The following HIPK2 variants were observed in gnomAD, a reference collection of about 807,000 sequenced individuals.
HIPK2 encodes the protein homeodomain-interacting protein kinase 2.
Under a neutral mutation model 113.7 loss-of-function variants are expected in HIPK2, and 27 were observed. That is an observed-to-expected ratio of 0.24 (90% CI 0.17 to 0.33). The LOEUF (loss-of-function observed/expected upper bound fraction) is 0.33. Among genes scored for constraint, HIPK2 ranks in the 10% least tolerant of loss-of-function variants. The probability of loss-of-function intolerance (pLI) is 1.00; values close to 1 mark genes in which losing one functional copy is unlikely to be tolerated. For missense variants in HIPK2, 1,257 were observed against 1,588.0 expected, an observed-to-expected ratio of 0.79 and a Z score of 3.54; for synonymous variants, 631 against 642.2, an observed-to-expected ratio of 0.98 and a Z score of 0.26.
intron 2 of HIPK2, among the ~76,000 whole-genome samples, chr7:139,665,593 TCCA>T (rs1802021380): frequency 6.6e-6 from 1 of 151,660 alleles, no homozygotes; most frequent in African/African-American, 2.4e-5. Flanking sequence ...CATCCATCCA[TCCA>T]TCCATCCATC....
At position 139,571,560 on chromosome 7, in the gene HIPK2, T is replaced by C. The variant is rs1433119307; in HGVS notation, c.*1367A>G. On this transcript the variant is annotated 3_prime_UTR_variant, in exon 15 of 15. Coordinates refer to ENST00000406875, the MANE Select transcript of HIPK2 (RefSeq NM_022740.5). ...TCTGTCTCCCATATTTCTTTCGAGA[T>C]CCACGGACTCTCTCCTAGCTCCTGC... 12 of 151,994 alleles carry C rather than the reference T, an allele frequency of 7.9e-5. No individual in the cohort carries two copies. Among genetic ancestry groups the C allele is most frequent in the Admixed American group, 7.9e-4 (12 of 15,260 alleles). 9.4% of individuals were successfully genotyped at this position (151,994 alleles called of 1,614,324 possible).
chr7:139,583,931 C>T lies in HIPK2; in HGVS notation c.2851G>A (p.Asp951Asn), dbSNP rs1325054906. ...RAGHNNANAF[D>N]TKGSLENHCT... ...TGATTCTCCAGGCTCCCCTTGGTGTCAAAGGCATTGGCATTGTTGTGCCCA... is the reference window on the plus strand; with the variant it reads ...TGATTCTCCAGGCTCCCCTTGGTGTTAAAGGCATTGGCATTGTTGTGCCCA... Residue 951 changes from aspartate to asparagine, a missense_variant, in exon 13 of 15, where the codon GAC (aspartate) becomes AAC (asparagine). By Grantham distance (23) the Asp-to-Asn change is conservative. Around this residue, in one of 5 missense-constraint regions of HIPK2, gnomAD observed 862 missense variants for 1,004.3 expected, o/e 0.86. Coordinates refer to ENST00000406875, the MANE Select transcript of HIPK2 (RefSeq NM_022740.5). The T allele has an allele frequency of 6.2e-7, 1 of 1,613,912 alleles. No individual in the cohort carries two copies. The highest frequency in any genetic ancestry group is 8.5e-7 in the Non-Finnish European group (1 of 1,179,914).
chr7:139,749,080 A>G (rs1345749525), intron 1 of HIPK2, among the ~76,000 whole-genome samples: 2 of 152,238 alleles, frequency 1.3e-5, no homozygotes, highest in African/African-American at 2.4e-5. Flanking sequence ...CATGGTCACA[A>G]GTAGAGTGCT....
At chr7:139,729,721 G>A (rs1220056012) in intron 1 of HIPK2, among the ~76,000 whole-genome samples, 1 of 152,150 alleles carries the variant, frequency 6.6e-6, no homozygotes, top group African/African-American at 2.4e-5. Context: ...AAAATCAGCT[G>A]TACTTCTGGT....
intron 12 of HIPK2, among the ~76,000 whole-genome samples, chr7:139,584,767 C>G (rs1198500624): frequency 6.6e-6 from 1 of 152,216 alleles, no homozygotes; most frequent in Non-Finnish European, 1.5e-5. Flanking sequence ...TGCAGCTTTT[C>G]CACTGCCTGG....
intron 2 of HIPK2, among the ~76,000 whole-genome samples, chr7:139,709,116 A>C (rs1794990568): frequency 6.6e-6 from 1 of 152,194 alleles, no homozygotes; most frequent in Non-Finnish European, 1.5e-5. Context: ...AGCCTACATA[A>C]CTTATTGATT....
chr7:139,611,132 G>A (rs746920659), intron 9 of HIPK2, among the ~76,000 whole-genome samples: 1 of 152,170 alleles, frequency 6.6e-6, no homozygotes, highest in Non-Finnish European at 1.5e-5. Context: ...CCTTGTCTGT[G>A]GTCATTGGGT....
intron 11 of HIPK2, 141 bp downstream of exon 11, chr7:139,600,276 A>T: frequency 1.0e-6 from 1 of 964,030 alleles, no homozygotes; most frequent in Non-Finnish European, 1.5e-6. Context: ...ATGTTTTGCT[A>T]GTCACTGCAG....
chr7:139,726,427 G>C (rs1256407293), intron 1 of HIPK2, among the ~76,000 whole-genome samples: 1 of 152,238 alleles, frequency 6.6e-6, no homozygotes, highest in Non-Finnish European at 1.5e-5. Context: ...CACATTTGGG[G>C]TGCCAGAAGG....
rs547273735 is a variant in HIPK2, at chr7:139,714,622, G to A, written c.1103+1310C>T. ...TGAAAGGCGCATGGAGAAAGCACAC[G>A]GGCAAGCGAGCGTGCTTGCTTGCAA... On this transcript the variant is annotated intron_variant, in intron 2 of 14. Coordinates refer to ENST00000406875, the MANE Select transcript of HIPK2 (RefSeq NM_022740.5). This position sits in a 1 kb window ranked among gnomAD's most constrained non-coding sequence, Gnocchi z 4.2. Among the ~76,000 whole-genome samples the A allele has an allele frequency of 4.6e-5, 7 of 152,336 alleles. No homozygotes were observed. The highest frequency in any genetic ancestry group is 2.1e-4 in the South Asian group (1 of 4,830).
chr7:139,593,701 C>T (rs1463244323), intron 12 of HIPK2, among the ~76,000 whole-genome samples: 1 of 152,170 alleles, frequency 6.6e-6, no homozygotes, highest in East Asian at 1.9e-4. Context: ...ACAGGACTGG[C>T]ACTGGGGTAA....
In HIPK2 at chr7:139,572,702, C is replaced by T. The variant is rs1585222665; in HGVS notation, c.*225G>A. 1 of 484,804 alleles carries T rather than the reference C, an allele frequency of 2.1e-6. No homozygotes were observed. Among genetic ancestry groups the T allele is most frequent in the Admixed American group, 3.7e-5 (1 of 27,228 alleles). 30.0% of individuals were successfully genotyped at this position (484,804 alleles called of 1,614,324 possible). A position where few individuals can be genotyped will look rare whatever the true frequency, so the allele number is the denominator to read the frequency against. ...TTTTAAAAATGTTCTCTTCTCTGCT[C>T]TACGTCCTCCCACTTCCCGGTTCAA... is the stretch of plus-strand genomic sequence containing the variant. On this transcript the variant is annotated 3_prime_UTR_variant, in exon 15 of 15. Coordinates refer to ENST00000406875, the MANE Select transcript of HIPK2 (RefSeq NM_022740.5).
chr7:139,681,418 C>T (rs1372245874), intron 2 of HIPK2, among the ~76,000 whole-genome samples: 1 of 152,108 alleles, frequency 6.6e-6, no homozygotes. Flanking sequence ...ATTATCAGAA[C>T]ACCTGGCACC....
chr7:139,697,112 C>A (rs1229520440), intron 2 of HIPK2, among the ~76,000 whole-genome samples: 14 of 152,314 alleles, frequency 9.2e-5, no homozygotes, highest in African/African-American at 3.4e-4. Flanking sequence ...TCCTCCCCGA[C>A]CCCCTGCCAG....
intron 1 of HIPK2, among the ~76,000 whole-genome samples, chr7:139,748,340 A>G (rs1362535145): frequency 6.6e-6 from 1 of 151,920 alleles, no homozygotes; most frequent in Non-Finnish European, 1.5e-5. Context: ...CATGGGCCCT[A>G]CGTTACTTTA....
At chr7:139,585,433 T>C (rs995493408) in intron 12 of HIPK2, among the ~76,000 whole-genome samples, 11 of 152,254 alleles carry the variant, frequency 7.2e-5, no homozygotes, top group Admixed American at 2.6e-4. Flanking sequence ...CCAGCGCTCC[T>C]GACATCTAGG....
chr7:139,704,626 C>T (rs370434680), intron 2 of HIPK2, among the ~76,000 whole-genome samples: 3 of 152,166 alleles, frequency 2.0e-5, no homozygotes, highest in Non-Finnish European at 2.9e-5. Flanking sequence ...AACACACACC[C>T]CATACACACA....
intron 2 of HIPK2, among the ~76,000 whole-genome samples, chr7:139,639,604 A>C (rs1800934630): frequency 6.6e-6 from 1 of 152,200 alleles, no homozygotes; most frequent in African/African-American, 2.4e-5. Flanking sequence ...AGAAAGCAGG[A>C]TGGGCTTCCC....
intron 1 of HIPK2, among the ~76,000 whole-genome samples, chr7:139,760,574 T>C (rs1006432254): frequency 6.6e-6 from 1 of 152,206 alleles, no homozygotes; most frequent in Non-Finnish European, 1.5e-5. Context: ...ATATTGGTAA[T>C]AATATAAATA....
Sources: allele counts gnomAD v4.1 joint callset (sites outside exome capture counted in the v4.1 genomes callset), GRCh38; gene constraint gnomAD v4.1.1; regional missense constraint gnomAD v4.1.1; non-coding constraint Gnocchi (gnomAD v3.1); transcripts MANE v1.5; gene names NCBI Gene and HGNC (gene_info 2026-07-23, HGNC 2026-07-21).